Variants in MIPOL1 observed in about 807,000 individuals in gnomAD.
The protein encoded by MIPOL1 is mirror-image polydactyly gene 1 protein.
MIPOL1 carries 57 observed loss-of-function variants against 60.9 expected under a neutral mutation model. The ratio of observed to expected loss-of-function variants is 0.94; its 90% CI spans 0.76 to 1.17. The LOEUF (loss-of-function observed/expected upper bound fraction) is 1.17, where lower values mean the gene tolerates loss of function less well. MIPOL1 is among the 50% of genes most tolerant of loss of function. The pLI, the probability that MIPOL1 is intolerant of heterozygous loss-of-function variation, is 0.00. For missense variants in MIPOL1, 551 were observed against 511.6 expected (o/e 1.08, Z -0.74); for synonymous variants, 179 against 168.8 (o/e 1.06, Z -0.47).
intron 11 of MIPOL1, among the ~76,000 whole-genome samples, chr14:37,449,843 C>G (rs1424407369): frequency 6.6e-6 from 1 of 151,860 alleles, no homozygotes; most frequent in Non-Finnish European, 1.5e-5. Flanking sequence ...GACAGAGTGT[C>G]ACTCTGTTGC....
intron 12 of MIPOL1, among the ~76,000 whole-genome samples, chr14:37,530,379 A>G (rs992197893): frequency 3.3e-5 from 5 of 152,322 alleles, no homozygotes; most frequent in African/African-American, 1.2e-4. Context: ...TGGCAGATAT[A>G]AAACTCATCA....
chr14:37,238,011 G>A (rs1971757667), intron 1 of MIPOL1, among the ~76,000 whole-genome samples: 2 of 152,066 alleles, frequency 1.3e-5, no homozygotes, highest in Non-Finnish European at 1.5e-5. Flanking sequence ...CTATTACCCA[G>A]GCTGGAGTAC....
chr14:37,450,119 CT>C (rs540744602), intron 11 of MIPOL1, among the ~76,000 whole-genome samples: 2 of 151,416 alleles, frequency 1.3e-5, no homozygotes, highest in South Asian at 2.1e-4. Context: ...GGCCACCTTT[CT>C]TTTTTTTTGG....
In MIPOL1 at chr14:37,546,459, A is replaced by T. The variant is rs144063758; in HGVS notation, c.1263-446A>T. ...GATGGGAATTTAGTACATAGAAGTT[A>T]CACAGTATACCAACCAATGAATCAC... is the stretch of plus-strand genomic sequence containing the variant. On this transcript the variant is annotated intron_variant, in intron 12 of 12. Coordinates refer to ENST00000684589, the MANE Select transcript of MIPOL1 (RefSeq NM_001388067.1). Among the ~76,000 whole-genome samples, 312 of 152,326 alleles carry T rather than the reference A, an allele frequency of 2.0e-3. 2 individuals are homozygous for T. The highest frequency in any genetic ancestry group is 0.01 in the Middle Eastern group (3 of 294).
chr14:37,461,799 G>A (rs1186674568), intron 11 of MIPOL1, among the ~76,000 whole-genome samples: 2 of 152,196 alleles, frequency 1.3e-5, no homozygotes, highest in African/African-American at 4.8e-5. Context: ...TCACATCCAG[G>A]TCATGCTGAT....
chr14:37,549,316 T>G lies in MIPOL1; in HGVS notation c.*2345T>G, dbSNP rs1303831697. 6.6e-6 allele frequency: 1 copy of G among 151,946 alleles called. No individual in the cohort carries two copies. Among genetic ancestry groups the G allele is most frequent in the Non-Finnish European group, 1.5e-5 (1 of 67,826 alleles). 9.4% of individuals were successfully genotyped at this position (151,946 alleles called of 1,614,324 possible). ...AAGGCAAAATGCTAATACTAACATT[T>G]GTAGCACTTGATGATTTACAAAGTC... is the stretch of plus-strand genomic sequence containing the variant. On this transcript the variant is annotated 3_prime_UTR_variant, in exon 13 of 13. Transcript: ENST00000684589.
intron 9 of MIPOL1, among the ~76,000 whole-genome samples, chr14:37,308,814 AC>A (rs1350901052): frequency 1.3e-5 from 2 of 152,042 alleles, no homozygotes; most frequent in East Asian, 3.9e-4. Flanking sequence ...TCAACTAATC[AC>A]TTTTATATGG....
At chr14:37,327,899 C>T (rs944430573) in intron 9 of MIPOL1, among the ~76,000 whole-genome samples, 2 of 152,068 alleles carry the variant, frequency 1.3e-5, no homozygotes, top group Non-Finnish European at 2.9e-5. Context: ...ATACAGTACT[C>T]GTGGACATTG....
chr14:37,546,242 T>C (rs965683263), intron 12 of MIPOL1, among the ~76,000 whole-genome samples: 18 of 152,220 alleles, frequency 1.2e-4, no homozygotes, highest in African/African-American at 4.1e-4. Context: ...AAAATGTCTA[T>C]GTAGGTAATT....
intron 12 of MIPOL1, among the ~76,000 whole-genome samples, chr14:37,526,913 T>C (rs1566777427): frequency 6.6e-6 from 1 of 152,202 alleles, no homozygotes; most frequent in Non-Finnish European, 1.5e-5. Context: ...AGAATGCTTA[T>C]TTCTGTAAGC....
At chr14:37,377,375 A>T (rs1048540415) in intron 10 of MIPOL1, among the ~76,000 whole-genome samples, 1 of 152,072 alleles carries the variant, frequency 6.6e-6, no homozygotes, top group Non-Finnish European at 1.5e-5. Flanking sequence ...TTCTTATTAC[A>T]TGCTGTCTGA....
At chr14:37,319,401 A>G (rs147076204) in intron 9 of MIPOL1, among the ~76,000 whole-genome samples, 1 of 152,296 alleles carries the variant, frequency 6.6e-6, no homozygotes, top group African/African-American at 2.4e-5. Context: ...AGCAGATAAA[A>G]TGCTAAGAAA....
chr14:37,479,314 C>A (rs1381163663), intron 11 of MIPOL1, among the ~76,000 whole-genome samples: 1 of 152,006 alleles, frequency 6.6e-6, no homozygotes, highest in African/African-American at 2.4e-5. Flanking sequence ...CAAGCCTTAG[C>A]AAATTTAAGA....
intron 9 of MIPOL1, among the ~76,000 whole-genome samples, chr14:37,335,764 T>C (rs1004219858): frequency 2.6e-5 from 4 of 152,126 alleles, no homozygotes; most frequent in Admixed American, 1.3e-4. Flanking sequence ...TTTTGCCCAG[T>C]TTTAAGCTGG....
intron 12 of MIPOL1, among the ~76,000 whole-genome samples, chr14:37,518,411 C>G (rs1214834331): frequency 6.6e-6 from 1 of 152,096 alleles, no homozygotes; most frequent in Non-Finnish European, 1.5e-5. Context: ...CTCGGCTCAC[C>G]GCAACTTCCG....
intron 11 of MIPOL1, among the ~76,000 whole-genome samples, chr14:37,485,465 C>A (rs1240295530): frequency 2.0e-5 from 3 of 152,170 alleles, no homozygotes; most frequent in African/African-American, 7.2e-5. Flanking sequence ...TAAAAGCATT[C>A]CTATTTCTCC....
intron 11 of MIPOL1, among the ~76,000 whole-genome samples, chr14:37,447,788 T>A (rs915002234): frequency 3.3e-5 from 5 of 152,158 alleles, no homozygotes; most frequent in African/African-American, 1.2e-4. Flanking sequence ...CTTAAATACT[T>A]TAATTCCAGT....
chr14:37,423,140 G>T (rs946987248), intron 11 of MIPOL1, among the ~76,000 whole-genome samples, 191 bp downstream of exon 11: 1 of 151,494 alleles, frequency 6.6e-6, no homozygotes, highest in Non-Finnish European at 1.5e-5. Context: ...ACTATATTTG[G>T]TAAAGTTTAA....
At chr14:37,438,319 C>T (rs574949710) in intron 11 of MIPOL1, among the ~76,000 whole-genome samples, 2 of 152,244 alleles carry the variant, frequency 1.3e-5, no homozygotes, top group South Asian at 2.1e-4. Context: ...TTTAAAGCTA[C>T]GTTTGTAATT....
Sources: gnomAD v4.1 joint callset for allele counts (sites outside exome capture counted in the v4.1 genomes callset) on GRCh38, gnomAD v4.1.1 for gene constraint, MANE v1.5 for transcripts, NCBI Gene and HGNC (gene_info 2026-07-23, HGNC 2026-07-21) for gene names.